The following DCC variants were observed in gnomAD, a reference collection of about 807,000 sequenced individuals.
DCC encodes netrin receptor DCC.
A neutral mutation model predicts 172.5 loss-of-function variants in DCC; 58 were observed. The ratio of observed to expected loss-of-function variants is 0.34; its 90% CI spans 0.27 to 0.42. The LOEUF (loss-of-function observed/expected upper bound fraction) is 0.42. Among genes scored for constraint, DCC ranks in the 10% least tolerant of loss-of-function variants. DCC has a pLI of 1.00. For missense variants in DCC, 1,740 were observed against 1,791.0 expected, an observed-to-expected ratio of 0.97 and a Z score of 0.51; for synonymous variants, 709 against 644.5, an observed-to-expected ratio of 1.10 and a Z score of -1.52.
chr18:52,945,896 A>T lies in DCC; in HGVS notation c.985+20526A>T, dbSNP rs1232502675. 2.6e-5 allele frequency among the ~76,000 whole-genome samples: 4 copies of T among 152,204 alleles called. No individual in the cohort carries two copies. The East Asian group carries it at 7.7e-4, about 29-fold the overall frequency. ...TTGAATTAGAAAATTTTGCAGAATCATCTGAATTCCTCTGGAAAACTAGAA... is the reference window on the plus strand; with the variant it reads ...TTGAATTAGAAAATTTTGCAGAATCTTCTGAATTCCTCTGGAAAACTAGAA... On this transcript the variant is annotated intron_variant, in intron 5 of 28. Coordinates refer to ENST00000442544, the MANE Select transcript of DCC (RefSeq NM_005215.4).
At chr18:52,815,432 AC>A (rs1329770385) in intron 2 of DCC, among the ~76,000 whole-genome samples, 4 of 147,532 alleles carry the variant, frequency 2.7e-5, no homozygotes, top group African/African-American at 9.9e-5. Flanking sequence ...ACACACACAC[AC>A]ACACGTTCTC....
At chr18:52,653,160 G>A (rs985700887) in intron 1 of DCC, among the ~76,000 whole-genome samples, 1 of 152,124 alleles carries the variant, frequency 6.6e-6, no homozygotes, top group Non-Finnish European at 1.5e-5. Flanking sequence ...ACAATAGGAA[G>A]TATTCTTTTA....
chr18:53,398,810 G>C (rs1451402879), intron 18 of DCC, among the ~76,000 whole-genome samples: 1 of 152,156 alleles, frequency 6.6e-6, no homozygotes, highest in Admixed American at 6.6e-5. Context: ...TTTTAGAAAT[G>C]TGGTTAGTAG....
intron 12 of DCC, among the ~76,000 whole-genome samples, chr18:53,232,759 C>T (rs1371875678): frequency 6.6e-6 from 1 of 152,128 alleles, no homozygotes; most frequent in Non-Finnish European, 1.5e-5. Flanking sequence ...ATCCACCATA[C>T]CCAGGCCATA....
At chr18:52,936,748 A>G (rs73458986) in intron 5 of DCC, among the ~76,000 whole-genome samples, 2,105 of 152,276 alleles carry the variant, frequency 0.014, 54 homozygotes, top group African/African-American at 0.046. Context: ...GTTGCCCTGA[A>G]GAAACGGAAG....
At chr18:52,599,889 G>T (rs147145572) in intron 1 of DCC, among the ~76,000 whole-genome samples, 126 of 152,234 alleles carry the variant, frequency 8.3e-4, no homozygotes, top group African/African-American at 2.7e-3. Context: ...GACTGCCTTT[G>T]TGTTGCGTGC....
Position 53,339,710 on chromosome 18 carries a change from T to C in DCC, c.2165-3T>C, listed in dbSNP as rs1051328519. On this transcript the variant is annotated splice_polypyrimidine_tract_variant and splice_region_variant and intron_variant, in intron 14 of 28. Coordinates refer to ENST00000442544, the MANE Select transcript of DCC (RefSeq NM_005215.4). Reference sequence around the variant, plus strand: ...GCTGATGATGCCTCTTTTTGAATGCTAGAATCTCAAGTTCCTGATCAACCA... The same window carrying C: ...GCTGATGATGCCTCTTTTTGAATGCCAGAATCTCAAGTTCCTGATCAACCA... 1 of 1,613,528 alleles carries C rather than the reference T, an allele frequency of 6.2e-7. No individual in the cohort carries two copies. The highest frequency in any genetic ancestry group is 1.1e-5 in the South Asian group (1 of 91,074).
At chr18:52,532,191 A>G (rs763922849) in intron 1 of DCC, among the ~76,000 whole-genome samples, 3 of 152,152 alleles carry the variant, frequency 2.0e-5, no homozygotes, top group Non-Finnish European at 4.4e-5. Context: ...AGTTTCTTCT[A>G]TTATAGGAAT....
chr18:52,433,301 G>T (rs970958978), intron 1 of DCC, among the ~76,000 whole-genome samples: 2 of 152,070 alleles, frequency 1.3e-5, no homozygotes, highest in African/African-American at 4.8e-5. Context: ...ATTTATATTT[G>T]TTTACAGTAC....
intron 1 of DCC, among the ~76,000 whole-genome samples, chr18:52,632,435 C>T (rs778396367): frequency 2.0e-5 from 3 of 152,106 alleles, no homozygotes; most frequent in East Asian, 1.9e-4. Context: ...GACTTGCATG[C>T]GTAATAAAGC....
chr18:52,867,120 G>A (rs1220817787), intron 2 of DCC, among the ~76,000 whole-genome samples: 1 of 152,140 alleles, frequency 6.6e-6, no homozygotes, highest in African/African-American at 2.4e-5. Flanking sequence ...GGCCTTTTCA[G>A]CATCTATTGA....
At chr18:52,535,214 C>T (rs945867839) in intron 1 of DCC, among the ~76,000 whole-genome samples, 1 of 152,164 alleles carries the variant, frequency 6.6e-6, no homozygotes, top group African/African-American at 2.4e-5. Context: ...AATCTTCACT[C>T]ACTCAAAGCT....
intron 1 of DCC, among the ~76,000 whole-genome samples, chr18:52,749,312 C>T (rs1050885070): frequency 6.6e-6 from 1 of 152,220 alleles, no homozygotes; most frequent in Non-Finnish European, 1.5e-5. Flanking sequence ...GCCCAGTTTT[C>T]AGGCTTTAGG....
intron 13 of DCC, 53 bp from the exon 14 acceptor site, chr18:53,321,994 G>T (rs1599023230): frequency 2.1e-5 from 20 of 954,182 alleles, no homozygotes; most frequent in East Asian, 1.7e-4. Flanking sequence ...ACCCAGGTAG[G>T]AATACTTGGT....
At chr18:53,041,726 T>A (rs1568264097) in intron 5 of DCC, among the ~76,000 whole-genome samples, 1 of 152,110 alleles carries the variant, frequency 6.6e-6, no homozygotes, top group Non-Finnish European at 1.5e-5. Context: ...AAGAGGTCCT[T>A]CACATCCTTT....
chr18:52,987,102 G>A (rs80100009), intron 5 of DCC, among the ~76,000 whole-genome samples: 17,497 of 152,088 alleles, frequency 0.12, 1,381 homozygotes, highest in East Asian at 0.31. Flanking sequence ...GATTACAGGC[G>A]TGAGACTCCG....
chr18:52,874,700 G>A (rs1208301591), intron 2 of DCC, among the ~76,000 whole-genome samples: 2 of 152,108 alleles, frequency 1.3e-5, no homozygotes, highest in African/African-American at 2.4e-5. Context: ...TAATGAAATG[G>A]CCATTGAGAT....
At chr18:53,486,649 T>C in intron 25 of DCC, 148 bp from the exon 26 acceptor site, 1 of 954,108 alleles carries the variant, frequency 1.0e-6, no homozygotes, top group Non-Finnish European at 1.6e-6. Flanking sequence ...AAAAGTGGGA[T>C]TGGTGGAGAG....
intron 2 of DCC, among the ~76,000 whole-genome samples, chr18:52,867,803 G>A (rs573219298): frequency 4.6e-5 from 7 of 152,156 alleles, no homozygotes; most frequent in African/African-American, 1.7e-4. Flanking sequence ...CAAATCTACT[G>A]CAATGTGGAG....
Sources: gnomAD v4.1 joint callset for allele counts (sites outside exome capture counted in the v4.1 genomes callset) on GRCh38, gnomAD v4.1.1 for gene constraint, MANE v1.5 for transcripts, NCBI Gene and HGNC (gene_info 2026-07-23, HGNC 2026-07-21) for gene names.